PSD: variants seen among roughly 807,000 people sequenced by gnomAD.
The protein encoded by PSD is PH and SEC7 domain-containing protein 1.
PSD carries 32 observed loss-of-function variants against 91.6 expected under a neutral mutation model. The observed-to-expected ratio is 0.35, with a 90% confidence interval of 0.26 to 0.47. The LOEUF (loss-of-function observed/expected upper bound fraction) is 0.47. PSD is among the 20% of genes least tolerant of loss of function. PSD has a pLI of 1.00. For synonymous variants in PSD, 532 were observed against 569.3 expected, an observed-to-expected ratio of 0.93 and a Z score of 0.93; for missense variants, 1,099 against 1,373.9, an observed-to-expected ratio of 0.80 and a Z score of 3.16.
chr10:102,405,419 G>C lies in PSD; in HGVS notation c.2253C>G (p.Pro751=). ...SGSSPFLDLT[P]EPGAAVYKHG... is the part of the protein sequence containing the mutation. ...GCTTGTAGACGGCAGCCCCAGGCTC[G>C]GGAGTCAGGTCCAGGAAAGGGCTGG... Residue 751 remains proline (P), a synonymous_variant, in exon 12 of 17, where the codon CCC becomes CCG. Transcript: ENST00000020673. The surrounding 1 kb of genome is among the most constrained non-coding windows in gnomAD (Gnocchi z 5.4). 1 of 1,613,300 alleles carries C rather than the reference G, an allele frequency of 6.2e-7. No homozygotes were observed. Among genetic ancestry groups the C allele is most frequent in the Non-Finnish European group, 8.5e-7 (1 of 1,179,810 alleles).
chr10:102,419,537 G>A (rs1382230732), upstream of PSD: 4 of 153,700 alleles, frequency 2.6e-5, no homozygotes, highest in African/African-American at 4.8e-5. The surrounding 1 kb of genome is among the most constrained non-coding windows in gnomAD (Gnocchi z 4.8). Context: ...AGTTACTATG[G>A]CAACTACTCT....
At position 102,403,345 on chromosome 10, in the gene PSD, A is replaced by G. The variant is rs2061308376; in HGVS notation, c.2930T>C (p.Leu977Pro). 1.2e-6 allele frequency: 2 copies of G among 1,613,938 alleles called. No homozygotes were observed. Among genetic ancestry groups the G allele is most frequent in the Non-Finnish European group, 8.5e-7 (1 of 1,180,022 alleles). ...SEELDAVEAA[L>P]AQAGSTEDGL... is the part of the protein sequence containing the mutation. ...ATCCTCTGTGCTCCCGGCCTGGGCC[A>G]GTGCTGCCTCCACTGCATCCAGCTC... The change falls in exon 17 of 17, where the codon CTG (leucine) becomes CCG (proline). Residue 977 changes from leucine to proline, a missense_variant. Leu to Pro is a moderately conservative substitution (Grantham distance 98). Coordinates refer to ENST00000020673, the MANE Select transcript of PSD (RefSeq NM_002779.5). This position sits in a 1 kb window ranked among gnomAD's most constrained non-coding sequence, Gnocchi z 6.7.
chr10:102,407,735 A>T (rs138171556), intron 10 of PSD, among the ~76,000 whole-genome samples: 7 of 152,188 alleles, frequency 4.6e-5, no homozygotes, highest in Non-Finnish European at 1.0e-4. Flanking sequence ...CTGCGACCCC[A>T]GGATAGGGGA....
At chr10:102,406,705 C>CTG (rs2061365722) in intron 11 of PSD, among the ~76,000 whole-genome samples, 1 of 152,168 alleles carries the variant, frequency 6.6e-6, no homozygotes, top group Non-Finnish European at 1.5e-5. Flanking sequence ...GACGGTTTCA[C>CTG]CGTTTTAGCC....
chr10:102,417,336 C>G lies in PSD; in HGVS notation c.-83-215G>C, dbSNP rs1176658564. On this transcript the variant is annotated intron_variant, in intron 1 of 16. Coordinates refer to ENST00000020673, the MANE Select transcript of PSD (RefSeq NM_002779.5). ...CACCCAGTGGGCCCCTGGCTCCTTT[C>G]CTTCTGCCTGAGGCCCTGAGCATCA... Among the ~76,000 whole-genome samples, 4 of 152,114 alleles carry G rather than the reference C, an allele frequency of 2.6e-5. No individual in the cohort carries two copies. The East Asian group carries it at 7.7e-4, about 29-fold the overall frequency.
At chr10:102,417,871 G>A (rs1466244061) in intron 1 of PSD, among the ~76,000 whole-genome samples, 1 of 151,982 alleles carries the variant, frequency 6.6e-6, no homozygotes, top group Non-Finnish European at 1.5e-5. Flanking sequence ...ACTATGCCTG[G>A]CTAATTTTTG....
chr10:102,407,268 T>A lies in PSD; in HGVS notation c.2092-2A>T. On this transcript the variant is annotated splice_acceptor_variant, in intron 10 of 16. Coordinates refer to ENST00000020673, the MANE Select transcript of PSD (RefSeq NM_002779.5). LOFTEE classifies it high-confidence loss of function. ...ATTCTTGATGGAGCTGTACAAGGCC[T>A]GGGGGGTGGGGGGAACAAATTAGGG... 1 of 1,578,028 alleles carries A rather than the reference T, an allele frequency of 6.3e-7. No homozygotes were observed. Among genetic ancestry groups the A allele is most frequent in the Non-Finnish European group, 8.6e-7 (1 of 1,161,532 alleles).
Position 102,409,142 on chromosome 10 carries a change from T to C in PSD, c.2091+1716A>G. 1.0e-6 allele frequency: 1 copy of C among 980,202 alleles called. No homozygotes were observed. Among genetic ancestry groups the C allele is most frequent in the Non-Finnish European group, 1.2e-6 (1 of 827,988 alleles). The allele number at this position is 980,202 out of a possible 1,614,324, so 60.7% of individuals were successfully genotyped here. On this transcript the variant is annotated intron_variant, in intron 10 of 16. Transcript: ENST00000020673. The surrounding 1 kb of genome is among the most constrained non-coding windows in gnomAD (Gnocchi z 5.7). ...CCCCCGGCCATGCCCCCGTCCGCCC[T>C]CGGCCCCCGGGCCGCCCGGACGGCC...
In PSD at chr10:102,405,143, A is replaced by T; in HGVS notation, c.2397+40T>A. 1.2e-6 allele frequency: 2 copies of T among 1,608,820 alleles called. No individual in the cohort carries two copies. The highest frequency in any genetic ancestry group is 1.7e-6 in the Non-Finnish European group (2 of 1,178,196). On this transcript the variant is annotated intron_variant, in intron 13 of 16. Coordinates refer to ENST00000020673, the MANE Select transcript of PSD (RefSeq NM_002779.5). This position sits in a 1 kb window ranked among gnomAD's most constrained non-coding sequence, Gnocchi z 5.4. ...ACCCATCACCCCACACCCACCAGCCAACTCAGTCCCAGCCCCAGCCCCCTG... is the reference window on the plus strand; with the variant it reads ...ACCCATCACCCCACACCCACCAGCCTACTCAGTCCCAGCCCCAGCCCCCTG...
At position 102,410,800 on chromosome 10, in the gene PSD, G is replaced by A; in HGVS notation, c.2091+58C>T. On this transcript the variant is annotated intron_variant, in intron 10 of 16. Coordinates refer to ENST00000020673, the MANE Select transcript of PSD (RefSeq NM_002779.5). The surrounding 1 kb of genome is among the most constrained non-coding windows in gnomAD (Gnocchi z 6.0). Reference sequence around the variant, plus strand: ...CCTCCCTCCGACTCTGGACTCCGTCGCCGACTGGGTCCTCCATCCTTCCCC... The same window carrying A: ...CCTCCCTCCGACTCTGGACTCCGTCACCGACTGGGTCCTCCATCCTTCCCC... 3.1e-6 allele frequency: 4 copies of A among 1,308,374 alleles called. No homozygotes were observed. The highest frequency in any genetic ancestry group is 1.2e-5 in the South Asian group (1 of 84,910). 81.0% of individuals were successfully genotyped at this position (1,308,374 alleles called of 1,614,324 possible).
Position 102,416,168 on chromosome 10 carries a change from C to T in PSD, c.655-49G>A, listed in dbSNP as rs749482468. 2 of 1,413,772 alleles carry T rather than the reference C, an allele frequency of 1.4e-6. No homozygotes were observed. Among genetic ancestry groups the T allele is most frequent in the African/African-American group, 1.4e-5 (1 of 70,320 alleles). 87.6% of individuals were successfully genotyped at this position (1,413,772 alleles called of 1,614,324 possible). On this transcript the variant is annotated intron_variant, in intron 2 of 16. Transcript: ENST00000020673. The surrounding 1 kb of genome is among the most constrained non-coding windows in gnomAD (Gnocchi z 6.0). ...GCACCCAGAGATAAAGCCAGACATACAAGGACACAAGAATATGGGACAGAA... is the reference window on the plus strand; with the variant it reads ...GCACCCAGAGATAAAGCCAGACATATAAGGACACAAGAATATGGGACAGAA...
Position 102,416,460 on chromosome 10 carries a change from G to A in PSD, c.579C>T (p.Pro193=), listed in dbSNP as rs1025021120. ...VGADGLYSSL[P]NGLGGPPERL... is the part of the protein sequence containing the mutation. ...GCTCAGGGGGGCCCCCCAGCCCATT[G>A]GGGAGAGAGGAGTAAAGGCCATCTG... is the stretch of plus-strand genomic sequence containing the variant. Residue 193 remains proline (P), a synonymous_variant, in exon 2 of 17, where the codon CCC becomes CCT. Coordinates refer to ENST00000020673, the MANE Select transcript of PSD (RefSeq NM_002779.5). The surrounding 1 kb of genome is among the most constrained non-coding windows in gnomAD (Gnocchi z 6.0). 4 of 1,613,144 alleles carry A rather than the reference G, an allele frequency of 2.5e-6. No individual in the cohort carries two copies. In the African/African-American group the frequency reaches 5.3e-5, roughly 22 times the overall value.
rs2061395718 is a variant in PSD, at chr10:102,409,007, C to T, written c.2092-1741G>A. 1.0e-6 allele frequency: 1 copy of T among 987,104 alleles called. No homozygotes were observed. The highest frequency in any genetic ancestry group is 1.2e-6 in the Non-Finnish European group (1 of 830,090). The allele number at this position is 987,104 out of a possible 1,614,324, so 61.1% of individuals were successfully genotyped here. A position where few individuals can be genotyped will look rare whatever the true frequency, so the allele number is the denominator to read the frequency against. ...GCCGTAGCACAGGGTCTCCGCGCCG[C>T]GGTGGGTGCGCCCGTAGCGCACGGA... On this transcript the variant is annotated intron_variant, in intron 10 of 16. Transcript: ENST00000020673. This position sits in a 1 kb window ranked among gnomAD's most constrained non-coding sequence, Gnocchi z 5.7.
intron 8 of PSD, 83 bp downstream of exon 8, chr10:102,411,624 A>G: frequency 1.0e-6 from 1 of 1,000,780 alleles, no homozygotes; most frequent in Non-Finnish European, 1.6e-6. Flanking sequence ...ACACACACTC[A>G]TGCTCCTGTA....
In PSD at chr10:102,403,186, C is replaced by A; in HGVS notation, c.*14G>T. On this transcript the variant is annotated 3_prime_UTR_variant, in exon 17 of 17. Coordinates refer to ENST00000020673, the MANE Select transcript of PSD (RefSeq NM_002779.5). This position sits in a 1 kb window ranked among gnomAD's most constrained non-coding sequence, Gnocchi z 6.7. ...TCAGGTGCCCAGCAGGCACTCCCCA[C>A]CCTAAACCTCATCTCAGGGCTTCCG... is the stretch of plus-strand genomic sequence containing the variant. 2 of 1,529,762 alleles carry A rather than the reference C, an allele frequency of 1.3e-6. No individual in the cohort carries two copies. Among genetic ancestry groups the A allele is most frequent in the Non-Finnish European group, 1.8e-6 (2 of 1,134,374 alleles). 94.8% of individuals were successfully genotyped at this position (1,529,762 alleles called of 1,614,324 possible). A position where few individuals can be genotyped will look rare whatever the true frequency, so the allele number is the denominator to read the frequency against.
chr10:102,410,757 G>T lies in PSD; in HGVS notation c.2091+101C>A, dbSNP rs937310702. 6 of 937,208 alleles carry T rather than the reference G, an allele frequency of 6.4e-6. No individual in the cohort carries two copies. The African/African-American group carries it at 6.5e-5, about 10-fold the overall frequency. 58.1% of individuals were successfully genotyped at this position (937,208 alleles called of 1,614,324 possible). A position where few individuals can be genotyped will look rare whatever the true frequency, so the allele number is the denominator to read the frequency against. On this transcript the variant is annotated intron_variant, in intron 10 of 16. Transcript: ENST00000020673. The surrounding 1 kb of genome is among the most constrained non-coding windows in gnomAD (Gnocchi z 6.0). ...GCTTCCGTGGCAGGAGCCGGGGGTCGGCAAGCCCCAGCCCTGCCCTCCCTC... is the reference window on the plus strand; with the variant it reads ...GCTTCCGTGGCAGGAGCCGGGGGTCTGCAAGCCCCAGCCCTGCCCTCCCTC...
chr10:102,403,343 C>T lies in PSD; in HGVS notation c.2932G>A (p.Ala978Thr). Residue 978 changes from alanine to threonine, a missense_variant, in exon 17 of 17, where the codon GCC becomes ACC. Coordinates refer to ENST00000020673, the MANE Select transcript of PSD (RefSeq NM_002779.5). The surrounding 1 kb of genome is among the most constrained non-coding windows in gnomAD (Gnocchi z 6.7). ...CCATCCTCTGTGCTCCCGGCCTGGG[C>T]CAGTGCTGCCTCCACTGCATCCAGC... The part of the protein sequence containing the change: ...EELDAVEAAL[A>T]QAGSTEDGLP... 3 of 1,614,082 alleles carry T rather than the reference C, an allele frequency of 1.9e-6. No individual in the cohort carries two copies. Among genetic ancestry groups the T allele is most frequent in the Non-Finnish European group, 2.5e-6 (3 of 1,180,018 alleles).
In PSD at chr10:102,404,508, G is replaced by A. The variant is rs1235875243; in HGVS notation, c.2700+75C>T. On this transcript the variant is annotated intron_variant, in intron 15 of 16. Transcript: ENST00000020673. This position sits in a 1 kb window ranked among gnomAD's most constrained non-coding sequence, Gnocchi z 5.7. ...GGGGACATCTCCACGATCACACGCA[G>A]CAGCCTTGAGTGCAGTGGGCCTGAG... 13 of 1,519,846 alleles carry A rather than the reference G, an allele frequency of 8.6e-6. No homozygotes were observed. Among genetic ancestry groups the A allele is most frequent in the Middle Eastern group, 2.1e-4 (1 of 4,716 alleles). The allele number at this position is 1,519,846 out of a possible 1,614,324, so 94.1% of individuals were successfully genotyped here. A position where few individuals can be genotyped will look rare whatever the true frequency, so the allele number is the denominator to read the frequency against.
In PSD at chr10:102,410,465, C is replaced by A. The variant is rs748949259; in HGVS notation, c.2091+393G>T. 6.6e-6 allele frequency among the ~76,000 whole-genome samples: 1 copy of A among 152,210 alleles called. No homozygotes were observed. The highest frequency in any genetic ancestry group is 1.5e-5 in the Non-Finnish European group (1 of 68,034). ...AAGGTCTTTTTGGCTGTCCACGCGG[C>A]GGGGGAGCAGTGTGGAGTGTACCCC... On this transcript the variant is annotated intron_variant, in intron 10 of 16. Coordinates refer to ENST00000020673, the MANE Select transcript of PSD (RefSeq NM_002779.5). This position sits in a 1 kb window ranked among gnomAD's most constrained non-coding sequence, Gnocchi z 6.0.
Sources: gnomAD v4.1 joint callset for allele counts (sites outside exome capture counted in the v4.1 genomes callset) on GRCh38, gnomAD v4.1.1 for gene constraint, Gnocchi (gnomAD v3.1) non-coding constraint, MANE v1.5 for transcripts, NCBI Gene and HGNC (gene_info 2026-07-23, HGNC 2026-07-21) for gene names.